POU2F1: variants seen among roughly 807,000 people sequenced by gnomAD.
The protein encoded by POU2F1 is POU class 2 homeobox 1.
POU2F1 carries 16 observed loss-of-function variants against 84.9 expected under a neutral mutation model. The ratio of observed to expected loss-of-function variants is 0.19; its 90% CI spans 0.13 to 0.29. The LOEUF (loss-of-function observed/expected upper bound fraction) is 0.29, where lower values mean the gene tolerates loss of function less well. Among genes scored for constraint, POU2F1 ranks in the 10% least tolerant of loss-of-function variants. The probability of loss-of-function intolerance (pLI) is 1.00; values close to 1 mark genes in which losing one functional copy is unlikely to be tolerated. For missense variants in POU2F1, 738 were observed against 942.6 expected (o/e 0.78, Z 2.84); for synonymous variants, 368 against 368.3 (o/e 1.00, Z 0.01).
At chr1:167,307,865 G>T (rs1262308773) in intron 1 of POU2F1, among the ~76,000 whole-genome samples, 1 of 152,042 alleles carries the variant, frequency 6.6e-6, no homozygotes, top group Non-Finnish European at 1.5e-5. Context: ...TGTTCAATCT[G>T]GAATAGTTCC....
intron 2 of POU2F1, among the ~76,000 whole-genome samples, chr1:167,341,372 C>T (rs1189392974): frequency 2.6e-5 from 4 of 152,100 alleles, no homozygotes; most frequent in Non-Finnish European, 4.4e-5. Flanking sequence ...AAGCAGCTGA[C>T]TCATCTGTTG....
chr1:167,343,181 G>A (rs969015450), intron 2 of POU2F1, among the ~76,000 whole-genome samples: 6 of 152,184 alleles, frequency 3.9e-5, no homozygotes, highest in Admixed American at 6.5e-5. Flanking sequence ...GGAGAAGGGC[G>A]CTATAATTAC....
chr1:167,307,833 A>G (rs556798333), intron 1 of POU2F1, among the ~76,000 whole-genome samples: 6 of 152,312 alleles, frequency 3.9e-5, no homozygotes, highest in African/African-American at 7.2e-5. Context: ...CATTGGATTT[A>G]GTTGTCATAT....
intron 1 of POU2F1, among the ~76,000 whole-genome samples, chr1:167,304,484 G>A (rs1038552360): frequency 2.6e-5 from 4 of 151,964 alleles, no homozygotes; most frequent in Admixed American, 1.3e-4. Flanking sequence ...TTTTTTAAAC[G>A]AAAATTTATG....
At chr1:167,389,503 G>T in intron 8 of POU2F1, 85 bp from the exon 9 acceptor site, 1 of 1,437,864 alleles carries the variant, frequency 7.0e-7, no homozygotes, top group East Asian at 2.3e-5. Context: ...CATAAATGTG[G>T]CTCTTTCCTT....
In POU2F1 at chr1:167,309,521, A is replaced by C. The variant is rs531995165; in HGVS notation, c.62-22949A>C. Among the ~76,000 whole-genome samples the C allele has an allele frequency of 2.2e-4, 33 of 152,254 alleles. No homozygotes were observed. The South Asian group carries it at 6.6e-3, about 31-fold the overall frequency. ...TCCCCACTCACTTTCCTAAGCTTGG[A>C]TGCCTGCCTTACTCAGCCCCATCTA... is the stretch of plus-strand genomic sequence containing the variant. On this transcript the variant is annotated intron_variant, in intron 1 of 15. Transcript: ENST00000367866.
intron 1 of POU2F1, among the ~76,000 whole-genome samples, chr1:167,284,647 G>A (rs188524817): frequency 6.6e-6 from 1 of 152,306 alleles, no homozygotes; most frequent in East Asian, 1.9e-4. Context: ...AATATAGGCA[G>A]TGTCAACATT....
chr1:167,275,926 T>C (rs1652699673), intron 1 of POU2F1, among the ~76,000 whole-genome samples: 1 of 152,218 alleles, frequency 6.6e-6, no homozygotes, highest in African/African-American at 2.4e-5. Context: ...TCTTATTTAA[T>C]AACTTAAGAT....
chr1:167,227,073 A>G (rs1009761444), intron 1 of POU2F1, among the ~76,000 whole-genome samples: 6 of 152,140 alleles, frequency 3.9e-5, no homozygotes, highest in African/African-American at 7.2e-5. Context: ...GGCATGAGCT[A>G]CCACACCTGG....
intron 1 of POU2F1, among the ~76,000 whole-genome samples, chr1:167,240,544 C>A (rs1557838635): frequency 6.6e-6 from 1 of 152,268 alleles, no homozygotes; most frequent in Admixed American, 6.5e-5. Flanking sequence ...TGATTTAACA[C>A]ACAGGACAAC....
chr1:167,359,022 A>G (rs1366147068), intron 2 of POU2F1, among the ~76,000 whole-genome samples: 2 of 151,068 alleles, frequency 1.3e-5, no homozygotes. Flanking sequence ...TTTTAATGGT[A>G]TTCATTATTG....
intron 2 of POU2F1, among the ~76,000 whole-genome samples, chr1:167,352,217 C>G (rs1402068115): frequency 2.0e-5 from 3 of 152,264 alleles, no homozygotes; most frequent in South Asian, 4.2e-4. Flanking sequence ...GATGCATTTC[C>G]TATTTGAAGA....
chr1:167,334,034 T>C (rs1320994567), intron 2 of POU2F1, among the ~76,000 whole-genome samples: 3 of 151,966 alleles, frequency 2.0e-5, no homozygotes, highest in Non-Finnish European at 1.5e-5. Context: ...AAGCAAATGA[T>C]TGGAAAACAC....
intron 2 of POU2F1, among the ~76,000 whole-genome samples, chr1:167,345,364 G>T (rs953440441): frequency 6.6e-6 from 1 of 152,148 alleles, no homozygotes; most frequent in Non-Finnish European, 1.5e-5. Flanking sequence ...AGGTAGAAGG[G>T]AATGTAAGAA....
At chr1:167,292,194 A>T (rs958457559) in intron 1 of POU2F1, among the ~76,000 whole-genome samples, 4 of 152,002 alleles carry the variant, frequency 2.6e-5, no homozygotes, top group African/African-American at 4.8e-5. Context: ...CTCTATTATG[A>T]TATCTATTAT....
chr1:167,414,538 G>A (rs1034242564), intron 15 of POU2F1: 3 of 985,312 alleles, frequency 3.0e-6, no homozygotes, highest in South Asian at 4.7e-5. Context: ...TATATGGCTA[G>A]AGAGATTTAG....
chr1:167,293,351 A>C (rs1654053628), intron 1 of POU2F1, among the ~76,000 whole-genome samples: 1 of 152,230 alleles, frequency 6.6e-6, no homozygotes, highest in African/African-American at 2.4e-5. Flanking sequence ...CCAAGAATCA[A>C]ATCAAGAACC....
intron 8 of POU2F1, among the ~76,000 whole-genome samples, chr1:167,386,934 C>A (rs1328678612): frequency 1.3e-5 from 2 of 152,168 alleles, no homozygotes; most frequent in East Asian, 3.8e-4. Context: ...TGTTCTGTAT[C>A]TACTACTATC....
chr1:167,239,810 T>G (rs542487421), intron 1 of POU2F1, among the ~76,000 whole-genome samples: 1 of 152,150 alleles, frequency 6.6e-6, no homozygotes, highest in South Asian at 2.1e-4. Context: ...AAAATGTATG[T>G]CGTCAGGGTT....
Sources: allele counts gnomAD v4.1 joint callset (sites outside exome capture counted in the v4.1 genomes callset), GRCh38; gene constraint gnomAD v4.1.1; transcripts MANE v1.5; gene names NCBI Gene and HGNC (gene_info 2026-07-23, HGNC 2026-07-21).